Variants in DSE observed in about 807,000 individuals in gnomAD.
The protein encoded by DSE is dermatan sulfate epimerase, also known as dermatan-sulfate epimerase.
Under a neutral mutation model 84.4 loss-of-function variants are expected in DSE, and 36 were observed. That is an observed-to-expected ratio of 0.43 (90% CI 0.33 to 0.56). The LOEUF (loss-of-function observed/expected upper bound fraction) is 0.56. Ranked by LOEUF, DSE falls within the 20% of genes least tolerant of loss-of-function variation. The pLI, the probability that DSE is intolerant of heterozygous loss-of-function variation, is 0.06. For missense variants in DSE, 862 were observed against 1,169.6 expected (o/e 0.74, Z 3.84); for synonymous variants, 410 against 430.1 (o/e 0.95, Z 0.58).
chr6:116,354,513 C>G (rs551253637), intron 2 of DSE, among the ~76,000 whole-genome samples: 1 of 152,176 alleles, frequency 6.6e-6, no homozygotes, highest in Non-Finnish European at 1.5e-5. Flanking sequence ...TCTGGCCTTA[C>G]AAGCACTTCA....
chr6:116,396,120 G>A (rs78746250), intron 1 of DSE, among the ~76,000 whole-genome samples: 5,823 of 152,184 alleles, frequency 0.038, 339 homozygotes, highest in African/African-American at 0.13. Context: ...TTATTGATGA[G>A]GTCTGCTCTA....
chr6:116,284,028 C>T (rs1321485626), intron 2 of DSE, among the ~76,000 whole-genome samples: 1 of 152,130 alleles, frequency 6.6e-6, no homozygotes, highest in African/African-American at 2.4e-5. Context: ...CATGACAGAG[C>T]ATTTCTGTAA....
intron 1 of DSE, among the ~76,000 whole-genome samples, chr6:116,384,466 GA>G (rs1422086368): frequency 6.6e-6 from 1 of 152,216 alleles, no homozygotes; most frequent in Admixed American, 6.5e-5. Flanking sequence ...CTAGCAGCCT[GA>G]GGTGGACTTA....
intron 2 of DSE, among the ~76,000 whole-genome samples, chr6:116,321,868 T>C (rs1446215348): frequency 6.6e-6 from 1 of 152,190 alleles, no homozygotes; most frequent in Non-Finnish European, 1.5e-5. Flanking sequence ...TTGTCTTTTT[T>C]GTTCACTACT....
chr6:116,379,289 G>A (rs1314606850), intron 1 of DSE, among the ~76,000 whole-genome samples: 1 of 152,104 alleles, frequency 6.6e-6, no homozygotes, highest in African/African-American at 2.4e-5. Flanking sequence ...GGCATTTCGA[G>A]TTCTGTTTCA....
chr6:116,274,504 G>A (rs762606158), intron 2 of DSE, among the ~76,000 whole-genome samples: 30 of 151,844 alleles, frequency 2.0e-4, no homozygotes, highest in Non-Finnish European at 3.8e-4. Context: ...CAGAGGTTGC[G>A]GTGAGCGGAA....
Position 116,426,646 on chromosome 6 carries a change from C to T in DSE, c.489C>T (p.Asp163=). The T allele has an allele frequency of 9.3e-6, 15 of 1,614,082 alleles. No homozygotes were observed. Among genetic ancestry groups the T allele is most frequent in the Non-Finnish European group, 1.3e-5 (15 of 1,179,954 alleles). Residue 163 remains aspartate, a synonymous_variant, in exon 3 of 6, where the codon GAC becomes GAT. Coordinates refer to ENST00000644252, the MANE Select transcript of DSE (RefSeq NM_013352.4). ...HSLVGFATAY[D]FLYNYLSKTQ... Reference sequence around the variant, plus strand: ...TGGTTGGTTTTGCCACTGCTTATGACTTCTTGTACAACTACCTGAGCAAGA... The same window carrying T: ...TGGTTGGTTTTGCCACTGCTTATGATTTCTTGTACAACTACCTGAGCAAGA...
At chr6:116,349,952 T>A (rs1444656685) in intron 2 of DSE, among the ~76,000 whole-genome samples, 3 of 152,130 alleles carry the variant, frequency 2.0e-5, no homozygotes, top group Non-Finnish European at 4.4e-5. Context: ...CACTTGGCCA[T>A]AACCAAAAGC....
intron 2 of DSE, among the ~76,000 whole-genome samples, chr6:116,404,338 A>G (rs1441710928): frequency 6.6e-6 from 1 of 152,250 alleles, no homozygotes; most frequent in Non-Finnish European, 1.5e-5. Flanking sequence ...AAAGAGGTTT[A>G]GGATAGGATT....
chr6:116,302,337 G>A (rs567895883), intron 2 of DSE, among the ~76,000 whole-genome samples: 5 of 152,294 alleles, frequency 3.3e-5, no homozygotes, highest in African/African-American at 7.2e-5. Context: ...TCTAGCTGGC[G>A]TGAGGTGGTA....
At chr6:116,376,367 G>A (rs1398918978) in intron 1 of DSE, among the ~76,000 whole-genome samples, 1 of 152,218 alleles carries the variant, frequency 6.6e-6, no homozygotes, top group Non-Finnish European at 1.5e-5. Context: ...AGCCTGTTGA[G>A]GGTGTGGATT....
At chr6:116,296,462 A>G (rs541085024) in intron 2 of DSE, among the ~76,000 whole-genome samples, 9 of 152,306 alleles carry the variant, frequency 5.9e-5, no homozygotes, top group African/African-American at 1.9e-4. Flanking sequence ...AAGATAATAA[A>G]TATGAAAACA....
At chr6:116,308,303 T>C (rs1000963283) in intron 2 of DSE, among the ~76,000 whole-genome samples, 1 of 152,238 alleles carries the variant, frequency 6.6e-6, no homozygotes, top group Non-Finnish European at 1.5e-5. Context: ...TGTTTTTGTT[T>C]TGTTTTTAAG....
chr6:116,386,837 A>G (rs906537973), intron 1 of DSE, among the ~76,000 whole-genome samples: 3 of 152,196 alleles, frequency 2.0e-5, no homozygotes, highest in Non-Finnish European at 4.4e-5. Context: ...GGTTTGAGCA[A>G]TTCAGGTCTG....
intron 2 of DSE, among the ~76,000 whole-genome samples, chr6:116,409,315 C>T (rs552479897): frequency 1.8e-4 from 27 of 152,098 alleles, no homozygotes; most frequent in Non-Finnish European, 2.2e-4. Flanking sequence ...CTCGCTCTGT[C>T]GCCCAGGCTG....
Position 116,313,339 on chromosome 6 carries a change from T to G in DSE, c.-54+54372T>G, listed in dbSNP as rs148093853. ...ATTTTAAGCCATGCAGTTTATGATA[T>G]TTTATTATGGCAGCCTTAGGAAACT... On this transcript the variant is annotated intron_variant, in intron 2 of 3. Transcript: ENST00000430252. Among the ~76,000 whole-genome samples the G allele has an allele frequency of 7.0e-3, 1,064 of 152,338 alleles. 22 individuals are homozygous for G. Among genetic ancestry groups the G allele is most frequent in the South Asian group, 0.056 (270 of 4,828 alleles).
intron 2 of DSE, among the ~76,000 whole-genome samples, chr6:116,299,551 TACACATACACACACACACACAC>T (rs1774902189): frequency 1.9e-5 from 1 of 53,674 alleles, no homozygotes; most frequent in Non-Finnish European, 2.9e-5. Context: ...TATATATATA[TACACATACACACACACACACAC>T]ATACATATAT....
At chr6:116,298,145 C>G (rs1774781509) in intron 2 of DSE, among the ~76,000 whole-genome samples, 1 of 152,100 alleles carries the variant, frequency 6.6e-6, no homozygotes, top group African/African-American at 2.4e-5. Flanking sequence ...AGAGTTAATG[C>G]CAGTACCAAA....
At position 116,279,629 on chromosome 6, in the gene DSE, C is replaced by T. The variant is rs769591567; in HGVS notation, c.-54+20662C>T. 2.5e-6 allele frequency: 4 copies of T among 1,604,064 alleles called. No individual in the cohort carries two copies. The African/African-American group carries it at 4.0e-5, about 16-fold the overall frequency. ...CCCGCGGCATCCTGGGGTACGCCCC[C>T]CTCCTCTGAAGGCGGTGGAGGCGGG... On this transcript the variant is annotated intron_variant, in intron 2 of 3. Transcript: ENST00000430252.
Sources: allele counts gnomAD v4.1 joint callset (sites outside exome capture counted in the v4.1 genomes callset), GRCh38; gene constraint gnomAD v4.1.1; transcripts MANE v1.5; gene names NCBI Gene and HGNC (gene_info 2026-07-23, HGNC 2026-07-21).